DNAJC13: variants seen among roughly 807,000 people sequenced by gnomAD.
DNAJC13 encodes the protein DnaJ heat shock protein family (Hsp40) member C13, also known as dnaJ homolog subfamily C member 13.
Under a neutral mutation model 290.5 loss-of-function variants are expected in DNAJC13, and 75 were observed. The observed-to-expected ratio is 0.26, with a 90% CI of 0.21 to 0.31. The LOEUF is 0.31. Among genes scored for constraint, DNAJC13 ranks in the 10% least tolerant of loss-of-function variants. The pLI, the probability that DNAJC13 is intolerant of heterozygous loss-of-function variation, is 1.00. For missense variants in DNAJC13, 2,260 were observed against 2,674.5 expected (o/e 0.85, Z 3.42); for synonymous variants, 862 against 892.0 (o/e 0.97, Z 0.60).
chr3:132,421,308 A>G (rs1348592154), intron 1 of DNAJC13, among the ~76,000 whole-genome samples: 2 of 152,258 alleles, frequency 1.3e-5, no homozygotes, highest in African/African-American at 4.8e-5. Context: ...GTTCAGTAAT[A>G]CACCAATCCT....
chr3:132,455,933 C>T (rs1156555008), intron 9 of DNAJC13, among the ~76,000 whole-genome samples: 1 of 152,056 alleles, frequency 6.6e-6, no homozygotes, highest in Non-Finnish European at 1.5e-5. Flanking sequence ...TCAAACTGTA[C>T]GTTTTAATTG....
intron 6 of DNAJC13, among the ~76,000 whole-genome samples, chr3:132,452,410 C>G (rs1385327492): frequency 3.3e-5 from 5 of 152,270 alleles, no homozygotes; most frequent in African/African-American, 2.4e-5. Context: ...AGGAATAAAA[C>G]CAGGTTCTTA....
At chr3:132,463,433 A>C (rs1041976066) in intron 16 of DNAJC13, among the ~76,000 whole-genome samples, 1 of 152,188 alleles carries the variant, frequency 6.6e-6, no homozygotes, top group Non-Finnish European at 1.5e-5. Flanking sequence ...GAGGGAGTGA[A>C]CCTAGTTTTA....
intron 2 of DNAJC13, among the ~76,000 whole-genome samples, chr3:132,435,042 C>G (rs1473140669): frequency 6.6e-6 from 1 of 152,006 alleles, no homozygotes; most frequent in Non-Finnish European, 1.5e-5. Flanking sequence ...TTTTTTTAGG[C>G]CTGTAATGAA....
chr3:132,423,124 G>A (rs551453164), intron 1 of DNAJC13, among the ~76,000 whole-genome samples: 36 of 152,140 alleles, frequency 2.4e-4, no homozygotes, highest in African/African-American at 6.7e-4. Flanking sequence ...GAGCAACCCC[G>A]TCTCATCAAA....
chr3:132,534,318 C>T (rs905373600), intron 55 of DNAJC13, among the ~76,000 whole-genome samples: 1 of 152,070 alleles, frequency 6.6e-6, no homozygotes, highest in Non-Finnish European at 1.5e-5. Flanking sequence ...TTAGCGATGT[C>T]AGTTGCTGGA....
intron 45 of DNAJC13, among the ~76,000 whole-genome samples, chr3:132,513,535 T>G (rs1333495343): frequency 1.3e-5 from 2 of 152,184 alleles, no homozygotes; most frequent in African/African-American, 2.4e-5. Context: ...TCCCCCGCAG[T>G]TGAAACTCCC....
In DNAJC13 at chr3:132,474,904, G is replaced by C. The variant is rs1316179051; in HGVS notation, c.2292-28G>C. 3.0e-6 allele frequency: 4 copies of C among 1,346,034 alleles called. No individual in the cohort carries two copies. In the African/African-American group the frequency reaches 5.2e-5, roughly 17 times the overall value. 83.4% of individuals were successfully genotyped at this position (1,346,034 alleles called of 1,614,324 possible). A position where few individuals can be genotyped will look rare whatever the true frequency, so the allele number is the denominator to read the frequency against. ...TTTTTTAAAATGCTTAGTGCATCCT[G>C]CTATTTCCTCATTATATGTATGTCT... On this transcript the variant is annotated intron_variant, in intron 21 of 55. Transcript: ENST00000260818.
Position 132,516,408 on chromosome 3 carries a change from C to G in DNAJC13, c.5486-14C>G, listed in dbSNP as rs1576515117. On this transcript the variant is annotated splice_polypyrimidine_tract_variant and intron_variant, in intron 46 of 55. Transcript: ENST00000260818. ...CCTGATGATGCATTCCTTGAAATGT[C>G]TTTTACTCTGCAGGTCGTCAGCTTG... 1 of 1,613,248 alleles carries G rather than the reference C, an allele frequency of 6.2e-7. No individual in the cohort carries two copies. The highest frequency in any genetic ancestry group is 2.2e-5 in the East Asian group (1 of 44,844).
chr3:132,461,301 G>A, intron 15 of DNAJC13, 96 bp downstream of exon 15: 1 of 1,378,838 alleles, frequency 7.3e-7, no homozygotes, highest in South Asian at 1.2e-5. Context: ...TACTTCTATA[G>A]CAGAGGTGTC....
intron 51 of DNAJC13, among the ~76,000 whole-genome samples, chr3:132,525,367 TATACC>T (rs1384387070): frequency 2.0e-5 from 3 of 152,138 alleles, no homozygotes; most frequent in Non-Finnish European, 4.4e-5. Flanking sequence ...AGAAATTGGG[TATACC>T]TAACCGAGTA....
chr3:132,504,101 A>G (rs1469259853), intron 41 of DNAJC13, among the ~76,000 whole-genome samples: 2 of 152,042 alleles, frequency 1.3e-5, no homozygotes, highest in Non-Finnish European at 2.9e-5. Context: ...TTATTCCTGA[A>G]TGGCATAATT....
At chr3:132,426,744 A>G (rs547102486) in intron 1 of DNAJC13, among the ~76,000 whole-genome samples, 34 of 152,246 alleles carry the variant, frequency 2.2e-4, no homozygotes, top group African/African-American at 7.9e-4. Flanking sequence ...AGAGCTTATT[A>G]ATGTACAGAG....
At chr3:132,446,434 T>C in intron 2 of DNAJC13, 41 bp from the exon 3 acceptor site, 3 of 1,424,718 alleles carry the variant, frequency 2.1e-6, no homozygotes, top group Non-Finnish European at 2.9e-6. Flanking sequence ...AAAATATCTT[T>C]TTGTTTAAAA....
At chr3:132,527,617 G>A (rs1002236947) in intron 53 of DNAJC13, among the ~76,000 whole-genome samples, 3 of 152,262 alleles carry the variant, frequency 2.0e-5, no homozygotes, top group Non-Finnish European at 4.4e-5. Context: ...ATCTCACAAG[G>A]TTGTTATGAG....
intron 1 of DNAJC13, among the ~76,000 whole-genome samples, chr3:132,431,997 T>G (rs1457589674): frequency 6.6e-6 from 1 of 152,060 alleles, no homozygotes; most frequent in Non-Finnish European, 1.5e-5. Context: ...TTTAAAAGAG[T>G]GAATTTGTGG....
At chr3:132,499,361 T>A in intron 37 of DNAJC13, 51 bp downstream of exon 37, 1 of 1,435,764 alleles carries the variant, frequency 7.0e-7, no homozygotes, top group Middle Eastern at 1.8e-4. Flanking sequence ...ACACATTATA[T>A]GACTCTTGGC....
At chr3:132,428,052 T>C (rs2107643582) in intron 1 of DNAJC13, among the ~76,000 whole-genome samples, 1 of 152,352 alleles carries the variant, frequency 6.6e-6, no homozygotes, top group Admixed American at 6.5e-5. Context: ...GGCAGCTCTG[T>C]GATCAGTGCC....
intron 1 of DNAJC13, among the ~76,000 whole-genome samples, chr3:132,422,976 A>G (rs998546704): frequency 6.6e-6 from 1 of 152,182 alleles, no homozygotes; most frequent in Non-Finnish European, 1.5e-5. Flanking sequence ...TGATATTTTG[A>G]TTATCAGATA....
Sources: allele counts gnomAD v4.1 joint callset (sites outside exome capture counted in the v4.1 genomes callset), GRCh38; gene constraint gnomAD v4.1.1; transcripts MANE v1.5; gene names NCBI Gene and HGNC (gene_info 2026-07-23, HGNC 2026-07-21).